The following CFDP1 variants were observed in gnomAD, a reference collection of about 807,000 sequenced individuals.
CFDP1 encodes heterochromatin-stabilizing protein CFDP1.
Under a neutral mutation model 40.1 loss-of-function variants are expected in CFDP1, and 31 were observed. The observed-to-expected ratio is 0.77, with a 90% CI of 0.58 to 1.04. The LOEUF (loss-of-function observed/expected upper bound fraction) is 1.04, where lower values mean the gene tolerates loss of function less well. CFDP1 is among the 50% of genes least tolerant of loss of function. The pLI is 0.00. For missense variants in CFDP1, 423 were observed against 343.4 expected, an observed-to-expected ratio of 1.23 and a Z score of -1.83; for synonymous variants, 167 against 120.0, an observed-to-expected ratio of 1.39 and a Z score of -2.56.
chr16:75,384,852 C>CTATATA lies in CFDP1; in HGVS notation c.650+10232_650+10237dup, dbSNP rs59681577. Among the ~76,000 whole-genome samples the CTATATA allele has an allele frequency of 3.8e-3, 451 of 119,550 alleles. 8 individuals are homozygous for CTATATA. The highest frequency in any genetic ancestry group is 5.8e-3 in the East Asian group (23 of 3,992). The allele number at this position is 119,550 out of a possible 152,430, so 78.4% of individuals were successfully genotyped here. On this transcript the variant is annotated intron_variant, in intron 5 of 6. Transcript: ENST00000283882. ...TACAAGTTGCAAGAAGAAACTAAAA[C>CTATATA]TATATATATATATATATATATATAT...
rs146168063 is a variant in CFDP1, at chr16:75,334,671, G to C, written c.651-29489C>G. On this transcript the variant is annotated intron_variant, in intron 5 of 6. Coordinates refer to ENST00000283882, the MANE Select transcript of CFDP1 (RefSeq NM_006324.3). ...CTAAACCTTATGAAATTGAAATCTA[G>C]AAGCCAGGTGCAGTGGCTCACATCT... is the stretch of plus-strand genomic sequence containing the variant. Among the ~76,000 whole-genome samples, 447 of 152,026 alleles carry C rather than the reference G, an allele frequency of 2.9e-3. 4 individuals carry two copies. The highest frequency in any genetic ancestry group is 9.7e-3 in the African/African-American group (402 of 41,498).
chr16:75,320,628 C>A (rs2078356325), intron 5 of CFDP1, among the ~76,000 whole-genome samples: 1 of 152,120 alleles, frequency 6.6e-6, no homozygotes, highest in South Asian at 2.1e-4. Flanking sequence ...TGATTGACAC[C>A]CTCTCCTGGG....
chr16:75,359,511 C>A (rs1217272611), intron 5 of CFDP1, among the ~76,000 whole-genome samples: 1 of 152,160 alleles, frequency 6.6e-6, no homozygotes, highest in Non-Finnish European at 1.5e-5. Flanking sequence ...CCCTAAGACT[C>A]TTAAGGGGTG....
intron 5 of CFDP1, among the ~76,000 whole-genome samples, chr16:75,340,082 T>A (rs1022275878): frequency 9.2e-5 from 14 of 152,242 alleles, no homozygotes; most frequent in Non-Finnish European, 2.9e-5. Flanking sequence ...AATTTTAAGT[T>A]AATAAGCAAG....
intron 5 of CFDP1, chr16:75,324,600 G>A (rs780912071): frequency 6.6e-6 from 1 of 152,052 alleles, no homozygotes; most frequent in Admixed American, 6.6e-5. Flanking sequence ...AAATTAGCCG[G>A]GAGTGGTGGC....
chr16:75,361,718 T>C lies in CFDP1; in HGVS notation c.650+33372A>G, dbSNP rs572387117. Reference sequence around the variant, plus strand: ...AAAAAAGTTTTTTTACAATACACAATAGAACTGTCAAAAGGCACTTGCACC... The same window carrying C: ...AAAAAAGTTTTTTTACAATACACAACAGAACTGTCAAAAGGCACTTGCACC... On this transcript the variant is annotated intron_variant, in intron 5 of 6. Coordinates refer to ENST00000283882, the MANE Select transcript of CFDP1 (RefSeq NM_006324.3). Among the ~76,000 whole-genome samples the C allele has an allele frequency of 1.1e-4, 17 of 152,232 alleles. No homozygotes were observed. The South Asian group carries it at 2.9e-3, about 26-fold the overall frequency.
chr16:75,302,589 G>A (rs567430637), intron 6 of CFDP1, among the ~76,000 whole-genome samples: 1 of 152,326 alleles, frequency 6.6e-6, no homozygotes, highest in South Asian at 2.1e-4. Flanking sequence ...CTCAAGCAGA[G>A]TGAACACTGT....
At chr16:75,307,106 C>T (rs1444974887) in intron 5 of CFDP1, among the ~76,000 whole-genome samples, 1 of 152,160 alleles carries the variant, frequency 6.6e-6, no homozygotes, top group Non-Finnish European at 1.5e-5. Flanking sequence ...CACTCAGTGG[C>T]CCTATCCTGG....
chr16:75,318,448 C>T (rs1383322813), intron 5 of CFDP1, among the ~76,000 whole-genome samples: 2 of 151,208 alleles, frequency 1.3e-5, no homozygotes, highest in Admixed American at 6.6e-5. Flanking sequence ...CTCTGTCGCC[C>T]AGGCTGGAGT....
intron 5 of CFDP1, among the ~76,000 whole-genome samples, chr16:75,322,644 A>C (rs1176358120): frequency 2.0e-5 from 3 of 152,146 alleles, no homozygotes; most frequent in Non-Finnish European, 4.4e-5. Context: ...AAAAATCTGA[A>C]ATCTAAAATG....
chr16:75,318,682 G>A (rs573646062), intron 5 of CFDP1, among the ~76,000 whole-genome samples: 3 of 152,276 alleles, frequency 2.0e-5, no homozygotes, highest in African/African-American at 7.2e-5. Context: ...GGGATTACAG[G>A]CGTGAGCCAC....
intron 1 of CFDP1, among the ~76,000 whole-genome samples, chr16:75,422,436 G>C (rs1479832253): frequency 1.5e-5 from 2 of 132,124 alleles, no homozygotes; most frequent in Non-Finnish European, 3.1e-5. Flanking sequence ...GTCTCGCTCT[G>C]TTGCCCAAGC....
chr16:75,387,361 T>C (rs1370223550), intron 5 of CFDP1, among the ~76,000 whole-genome samples: 1 of 152,142 alleles, frequency 6.6e-6, no homozygotes, highest in Non-Finnish European at 1.5e-5. Context: ...CAGGATGGTC[T>C]CGATCTCCTG....
At chr16:75,339,897 T>G (rs2078514985) in intron 5 of CFDP1, among the ~76,000 whole-genome samples, 1 of 152,176 alleles carries the variant, frequency 6.6e-6, no homozygotes. Context: ...TCCTTAAAAA[T>G]CTTTAAATGG....
intron 5 of CFDP1, among the ~76,000 whole-genome samples, chr16:75,312,800 T>C (rs1164894933): frequency 6.6e-6 from 1 of 152,220 alleles, no homozygotes; most frequent in Non-Finnish European, 1.5e-5. Flanking sequence ...GCTCTTCCTA[T>C]ATAAGACACC....
intron 4 of CFDP1, among the ~76,000 whole-genome samples, chr16:75,398,704 T>C (rs2079019884): frequency 6.6e-6 from 1 of 152,182 alleles, no homozygotes; most frequent in Non-Finnish European, 1.5e-5. Flanking sequence ...CTGAGAAGCC[T>C]GTACCAACCC....
At chr16:75,325,294 C>T (rs1043483435) in intron 5 of CFDP1, among the ~76,000 whole-genome samples, 3 of 152,222 alleles carry the variant, frequency 2.0e-5, no homozygotes, top group Non-Finnish European at 4.4e-5. Context: ...TTGTATAGTC[C>T]CCTTCAGGCA....
intron 1 of CFDP1, among the ~76,000 whole-genome samples, chr16:75,428,019 T>C (rs2079360972): frequency 6.6e-6 from 1 of 152,152 alleles, no homozygotes; most frequent in Non-Finnish European, 1.5e-5. Flanking sequence ...ATTTAGATTA[T>C]ATTCTGAAAA....
chr16:75,374,073 C>T lies in CFDP1; in HGVS notation c.650+21017G>A, dbSNP rs189795437. ...TTCAAGACAAGCCTGGCCAACATGA[C>T]GAAATCCCATCTCTACTAAAAATAC... On this transcript the variant is annotated intron_variant, in intron 5 of 6. Transcript: ENST00000283882. 2.0e-4 allele frequency among the ~76,000 whole-genome samples: 31 copies of T among 151,622 alleles called. 1 individual carries two copies. Among genetic ancestry groups the T allele is most frequent in the Admixed American group, 1.6e-3 (25 of 15,232 alleles).
Sources: gnomAD v4.1 joint callset for allele counts (sites outside exome capture counted in the v4.1 genomes callset) on GRCh38, gnomAD v4.1.1 for gene constraint, MANE v1.5 for transcripts, NCBI Gene and HGNC (gene_info 2026-07-23, HGNC 2026-07-21) for gene names.